IZUMO2: variants seen among roughly 807,000 people sequenced by gnomAD.
IZUMO2 encodes the protein IZUMO family member 2.
IZUMO2 carries 24 observed loss-of-function variants against 31.2 expected under a neutral mutation model. The ratio of observed to expected loss-of-function variants is 0.77; its 90% CI spans 0.56 to 1.08. The LOEUF (loss-of-function observed/expected upper bound fraction) is 1.08. IZUMO2 is among the 50% of genes least tolerant of loss of function. The pLI is 0.00. For synonymous variants in IZUMO2, 144 were observed against 117.3 expected, an observed-to-expected ratio of 1.23 and a Z score of -1.47; for missense variants, 278 against 274.0, an observed-to-expected ratio of 1.01 and a Z score of -0.10.
chr19:50,158,464 A>G, intron 4 of IZUMO2, 116 bp from the exon 5 acceptor site: 2 of 599,912 alleles, frequency 3.3e-6, no homozygotes, highest in African/African-American at 1.9e-5. Flanking sequence ...TAAATTTCAT[A>G]GGTCCCACTG....
At chr19:50,153,480 A>G (rs1218262060) in intron 6 of IZUMO2, among the ~76,000 whole-genome samples, 1 of 152,130 alleles carries the variant, frequency 6.6e-6, no homozygotes, top group Non-Finnish European at 1.5e-5. Context: ...GCCTGCACGG[A>G]GCACTCCCCA....
intron 5 of IZUMO2, among the ~76,000 whole-genome samples, chr19:50,157,596 GT>G (rs1449849557): frequency 6.7e-6 from 1 of 149,786 alleles, no homozygotes; most frequent in Non-Finnish European, 1.5e-5. Flanking sequence ...GCCACTGCAT[GT>G]TCGGTCTCGT....
chr19:50,162,394 G>A (rs1203696609), intron 2 of IZUMO2, among the ~76,000 whole-genome samples: 1 of 152,162 alleles, frequency 6.6e-6, no homozygotes, highest in East Asian at 1.9e-4. Flanking sequence ...GATTTATTGA[G>A]GCCAGAAGTT....
In IZUMO2 at chr19:50,154,264, G is replaced by GTTTTTTTGTTTTTTTTTTT. The variant is rs2030129784; in HGVS notation, c.623+335_623+336insAAAAAAAAAAACAAAAAAA. 7.6e-5 allele frequency among the ~76,000 whole-genome samples: 6 copies of GTTTTTTTGTTTTTTTTTTT among 79,280 alleles called. 3 individuals are homozygous for GTTTTTTTGTTTTTTTTTTT. The highest frequency in any genetic ancestry group is 9.3e-5 in the African/African-American group (2 of 21,566). 52.0% of individuals were successfully genotyped at this position (79,280 alleles called of 152,430 possible). On this transcript the variant is annotated intron_variant, in intron 6 of 6. Coordinates refer to ENST00000293405, the MANE Select transcript of IZUMO2 (RefSeq NM_152358.3). ...GCATCCACCAAATATAACTTTTAGC[G>GTTTTTTTGTTTTTTTTTTT]TTTTTTTTTTTTTTTTTTTTTTTTT... is the stretch of plus-strand genomic sequence containing the variant.
Position 50,163,080 on chromosome 19 carries a change from G to C in IZUMO2, c.115C>G (p.Leu39Val). 4 of 1,613,148 alleles carry C rather than the reference G, an allele frequency of 2.5e-6. No individual in the cohort carries two copies. Among genetic ancestry groups the C allele is most frequent in the Non-Finnish European group, 3.4e-6 (4 of 1,179,494 alleles). The change falls in exon 1 of 7, where the codon CTC becomes GTC. Residue 39 changes from leucine (L) to valine (V), a missense_variant. By Grantham distance (32) the Leu-to-Val change is conservative. Coordinates refer to ENST00000293405, the MANE Select transcript of IZUMO2 (RefSeq NM_152358.3). Reference protein sequence around the residue: ...LEALGHLRSALIPSRFQLEQL... With the variant: ...LEALGHLRSAVIPSRFQLEQL... ...TCCAACTGGAAGCGACTGGGGATGA[G>C]GGCGGAGCGCAGGTGACCCAGGGCC...
intron 2 of IZUMO2, 51 bp downstream of exon 2, chr19:50,162,688 C>A (rs1478292257): frequency 1.3e-5 from 19 of 1,441,686 alleles, no homozygotes; most frequent in Non-Finnish European, 1.7e-5. Context: ...GTGGGGCAGA[C>A]CGGCGGAAAG....
chr19:50,159,632 C>T (rs1459569378), intron 2 of IZUMO2, 52 bp from the exon 3 acceptor site: 24 of 1,064,024 alleles, frequency 2.3e-5, no homozygotes, highest in Non-Finnish European at 3.3e-5. Context: ...GAAAGCCCAC[C>T]CCACTACCTG....
At chr19:50,156,331 T>C (rs2030211258) in intron 5 of IZUMO2, among the ~76,000 whole-genome samples, 1 of 152,018 alleles carries the variant, frequency 6.6e-6, no homozygotes, top group Non-Finnish European at 1.5e-5. Context: ...CAGGACAGCC[T>C]CCCTAACAAA....
At chr19:50,162,652 T>G in intron 2 of IZUMO2, 87 bp downstream of exon 2, 1 of 1,138,326 alleles carries the variant, frequency 8.8e-7, no homozygotes, top group Admixed American at 1.8e-5. Context: ...CATGCGTGTT[T>G]GCTCTTATTT....
rs199869998 is a variant in IZUMO2, at chr19:50,158,343, G to C, written c.421C>G (p.Leu141Val). Residue 141 changes from leucine (L) to valine (V), a missense_variant, in exon 5 of 7, where the codon CTA (leucine) becomes GTA (valine). Leu to Val is a conservative substitution (Grantham distance 32). Transcript: ENST00000293405. The stretch of plus-strand genomic sequence containing the variant: ...AAACAGTCCAACACCTCTTCTTTTA[G>C]CAAGCCTAGGCAAGGGGAAAGGGAG... The part of the protein sequence containing the change: ...KACNPKLCRL[L>V]KEEVLDCLHC... 9.4e-5 allele frequency: 150 copies of C among 1,604,068 alleles called. 1 individual carries two copies. The highest frequency in any genetic ancestry group is 1.2e-4 in the Non-Finnish European group (144 of 1,172,902).
At position 50,162,815 on chromosome 19, in the gene IZUMO2, TG is replaced by T; in HGVS notation, c.233-3del. Reference sequence around the variant, plus strand: ...CCACAAGGTCCAGTTGATTTGTCTCTGGGGGGAGAAGGGAGAGGACACTCCA... The same window carrying T: ...CCACAAGGTCCAGTTGATTTGTCTCTGGGGGAGAAGGGAGAGGACACTCCA... On this transcript the variant is annotated splice_region_variant and splice_polypyrimidine_tract_variant and intron_variant, in intron 1 of 6. Coordinates refer to ENST00000293405, the MANE Select transcript of IZUMO2 (RefSeq NM_152358.3). 6.2e-7 allele frequency: 1 copy of T among 1,613,478 alleles called. No individual in the cohort carries two copies. The highest frequency in any genetic ancestry group is 8.5e-7 in the Non-Finnish European group (1 of 1,179,804).
chr19:50,159,066 T>C (rs2030307279), intron 4 of IZUMO2, among the ~76,000 whole-genome samples, 164 bp downstream of exon 4: 1 of 152,166 alleles, frequency 6.6e-6, no homozygotes, highest in South Asian at 2.1e-4. Flanking sequence ...AGATAGTCAT[T>C]ATTTTCATAA....
chr19:50,163,248 C>A lies in IZUMO2; in HGVS notation c.-54G>T, dbSNP rs930581604. Reference sequence around the variant, plus strand: ...AACCCGGCCCGCCCCGCCTCCCAGGCGAGGGCGCGGTCAGGAGGCCCAGGG... The same window carrying A: ...AACCCGGCCCGCCCCGCCTCCCAGGAGAGGGCGCGGTCAGGAGGCCCAGGG... On this transcript the variant is annotated 5_prime_UTR_variant, in exon 1 of 7. Coordinates refer to ENST00000293405, the MANE Select transcript of IZUMO2 (RefSeq NM_152358.3). 3.6e-6 allele frequency: 5 copies of A among 1,406,726 alleles called. No individual in the cohort carries two copies. Among genetic ancestry groups the A allele is most frequent in the African/African-American group, 1.4e-5 (1 of 69,060 alleles). 87.1% of individuals were successfully genotyped at this position (1,406,726 alleles called of 1,614,324 possible). A position where few individuals can be genotyped will look rare whatever the true frequency, so the allele number is the denominator to read the frequency against.
intron 5 of IZUMO2, among the ~76,000 whole-genome samples, chr19:50,156,333 C>T (rs1426834751): frequency 1.3e-5 from 2 of 152,030 alleles, no homozygotes; most frequent in Non-Finnish European, 2.9e-5. Flanking sequence ...GGACAGCCTC[C>T]CTAACAAAGA....
At chr19:50,155,482 C>G (rs768585508) in intron 5 of IZUMO2, among the ~76,000 whole-genome samples, 7 of 152,238 alleles carry the variant, frequency 4.6e-5, no homozygotes, top group Non-Finnish European at 1.0e-4. Flanking sequence ...AGATGAAAGT[C>G]TTAGTTGCTG....
At chr19:50,162,660 T>G (rs1568439865) in intron 2 of IZUMO2, 79 bp downstream of exon 2, 4 of 1,229,328 alleles carry the variant, frequency 3.3e-6, no homozygotes, top group Non-Finnish European at 4.8e-6. Context: ...TTTGCTCTTA[T>G]TTTTATATTC....
In IZUMO2 at chr19:50,162,795, A is replaced by C; in HGVS notation, c.251T>G (p.Leu84Arg). ...VGKVETNQLD[L>R]VASFVKNQTQ... ...TTGGTTCTTGACAAAGGACGCCACAAGGTCCAGTTGATTTGTCTCTGGGGG... is the reference window on the plus strand; with the variant it reads ...TTGGTTCTTGACAAAGGACGCCACACGGTCCAGTTGATTTGTCTCTGGGGG... The change falls in exon 2 of 7, where the codon CTT (leucine) becomes CGT (arginine). Residue 84 changes from leucine to arginine, a missense_variant. Transcript: ENST00000293405. The C allele has an allele frequency of 6.2e-7, 1 of 1,613,904 alleles. No individual in the cohort carries two copies. The highest frequency in any genetic ancestry group is 1.7e-4 in the Middle Eastern group (1 of 5,896).
intron 5 of IZUMO2, among the ~76,000 whole-genome samples, chr19:50,154,985 T>G: frequency 6.6e-6 from 1 of 151,926 alleles, no homozygotes; most frequent in South Asian, 2.1e-4. Context: ...ACTCATGGAG[T>G]TGACAGTCCA....
At chr19:50,160,499 T>TG (rs2030360883) in intron 2 of IZUMO2, 1 of 150,230 alleles carries the variant, frequency 6.7e-6, no homozygotes, top group Non-Finnish European at 1.5e-5. Flanking sequence ...TTTTTTTTTT[T>TG]CAAACGGAGT....
Sources: gnomAD v4.1 joint callset for allele counts (sites outside exome capture counted in the v4.1 genomes callset) on GRCh38, gnomAD v4.1.1 for gene constraint, MANE v1.5 for transcripts, NCBI Gene and HGNC (gene_info 2026-07-23, HGNC 2026-07-21) for gene names.